Variants in MUC5AC observed in about 807,000 individuals in gnomAD.
The protein encoded by MUC5AC is mucin 5AC, oligomeric mucus/gel-forming, also known as mucin-5AC.
Under a neutral mutation model 169.7 loss-of-function variants are expected in MUC5AC, and 158 were observed. The ratio of observed to expected loss-of-function variants is 0.93; its 90% CI spans 0.82 to 1.06. The LOEUF (loss-of-function observed/expected upper bound fraction) is 1.06, where lower values mean the gene tolerates loss of function less well. Among genes scored for constraint, MUC5AC ranks in the 50% least tolerant of loss-of-function variants. The pLI is 0.00. For missense variants in MUC5AC, 4,359 were observed against 3,089.9 expected, an observed-to-expected ratio of 1.41 and a Z score of -9.74; for synonymous variants, 1,975 against 1,237.0, an observed-to-expected ratio of 1.60 and a Z score of -12.52.
intron 31 of MUC5AC, 30 bp from the exon 32 acceptor site, chr11:1,192,753 T>C (rs993234092): frequency 1.9e-5 from 14 of 741,446 alleles, no homozygotes; most frequent in Admixed American, 3.5e-5. Context: ...AGGACTCCAC[T>C]AAAGGCTGCC....
chr11:1,173,055 T>TC (rs1860586307), intron 16 of MUC5AC, among the ~76,000 whole-genome samples: 1 of 143,092 alleles, frequency 7.0e-6, no homozygotes, highest in African/African-American at 2.6e-5. Context: ...TTCACTAACT[T>TC]ACTCACTCAC....
chr11:1,168,132 A>T, intron 12 of MUC5AC, 145 bp downstream of exon 12: 1 of 751,820 alleles, frequency 1.3e-6, no homozygotes, highest in South Asian at 1.7e-5. Context: ...TCCATTACTT[A>T]TGGGTCCACG....
chr11:1,187,627 C>G lies in MUC5AC; in HGVS notation c.9482C>G (p.Thr3161Ser). Residue 3161 changes from threonine to serine, a missense_variant, in exon 31 of 49, where the codon ACC (threonine) becomes AGC (serine). Transcript: ENST00000621226. ...GPGTTPSPVP[T>S]TSTIFAPRTS... ...GGAACCACTCCCAGCCCTGTTCCCA[C>G]CACCAGCACAATCTTTGCTCCTAGA... The G allele has an allele frequency of 1.3e-6, 1 of 764,298 alleles. No homozygotes were observed. The highest frequency in any genetic ancestry group is 2.4e-5 in the East Asian group (1 of 41,218). 47.3% of individuals were successfully genotyped at this position (764,298 alleles called of 1,614,324 possible). A position where few individuals can be genotyped will look rare whatever the true frequency, so the allele number is the denominator to read the frequency against.
intron 32 of MUC5AC, 145 bp from the exon 33 acceptor site, chr11:1,193,340 G>T: frequency 1.6e-6 from 1 of 611,378 alleles, no homozygotes; most frequent in East Asian, 2.8e-5. Context: ...TGGGGTGGGT[G>T]CTGAGGGTGG....
At position 1,186,731 on chromosome 11, in the gene MUC5AC, T is replaced by C. The variant is rs1860956703; in HGVS notation, c.8586T>C (p.Ser2862=). ...CTGCCCCTACAACCAGAACAACCTCTGTCCCTACAAGCAGCACAACCTCCA... is the reference window on the plus strand; with the variant it reads ...CTGCCCCTACAACCAGAACAACCTCCGTCCCTACAAGCAGCACAACCTCCA... ...TTSAPTTRTT[S]VPTSSTTSTA... Residue 2862 remains serine (S), a synonymous_variant, in exon 31 of 49, where the codon TCT becomes TCC. Coordinates refer to ENST00000621226, the MANE Select transcript of MUC5AC (RefSeq NM_001304359.2). The C allele has an allele frequency of 1.4e-6, 1 of 728,044 alleles. No homozygotes were observed. Among genetic ancestry groups the C allele is most frequent in the Non-Finnish European group, 2.5e-6 (1 of 399,850 alleles). 45.1% of individuals were successfully genotyped at this position (728,044 alleles called of 1,614,324 possible).
chr11:1,184,582 T>A lies in MUC5AC; in HGVS notation c.6437T>A (p.Ile2146Asn). Residue 2146 changes from isoleucine to asparagine, a missense_variant, in exon 31 of 49, where the codon ATC (isoleucine) becomes AAC (asparagine). Coordinates refer to ENST00000621226, the MANE Select transcript of MUC5AC (RefSeq NM_001304359.2). ...HGGDKETYNN[I>N]IRSGEKICRR... Reference sequence around the variant, plus strand: ...GGAGACAAGGAAACCTACAACAACATCATCAGGAGTGGGGAAAAAATCTGC... The same window carrying A: ...GGAGACAAGGAAACCTACAACAACAACATCAGGAGTGGGGAAAAAATCTGC... 1 of 620,194 alleles carries A rather than the reference T, an allele frequency of 1.6e-6. No homozygotes were observed. Among genetic ancestry groups the A allele is most frequent in the Non-Finnish European group, 2.9e-6 (1 of 345,188 alleles). 38.4% of individuals were successfully genotyped at this position (620,194 alleles called of 1,614,324 possible). A position where few individuals can be genotyped will look rare whatever the true frequency, so the allele number is the denominator to read the frequency against.
In MUC5AC at chr11:1,161,574, C is replaced by T. The variant is rs201013876; in HGVS notation, c.199C>T (p.Pro67Ser). Residue 67 changes from proline (P) to serine (S), a missense_variant, in exon 3 of 49, where the codon CCT becomes TCT. Coordinates refer to ENST00000621226, the MANE Select transcript of MUC5AC (RefSeq NM_001304359.2). ...ATVFPSLRTI[P>S]VVRASNPAHN... Reference sequence around the variant, plus strand: ...TGTCTTCCCATCTCTGAGGACCATCCCTGTGGTACGAGGTGAGTGGAGCCC... The same window carrying T: ...TGTCTTCCCATCTCTGAGGACCATCTCTGTGGTACGAGGTGAGTGGAGCCC... The T allele has an allele frequency of 3.9e-4, 621 of 1,610,248 alleles. 1 individual carries two copies. In the African/African-American group the frequency reaches 7.2e-3, roughly 19 times the overall value.
intron 6 of MUC5AC, among the ~76,000 whole-genome samples, chr11:1,163,640 G>A (rs923002377): frequency 2.6e-5 from 4 of 152,098 alleles, no homozygotes; most frequent in South Asian, 2.1e-4. Flanking sequence ...CCTGTGGCCC[G>A]GACACCAACC....
intron 3 of MUC5AC, 76 bp downstream of exon 3, chr11:1,161,662 G>C: frequency 6.7e-7 from 1 of 1,488,552 alleles, no homozygotes; most frequent in South Asian, 1.3e-5. Flanking sequence ...TGGAGGTGCC[G>C]GGTGGAGAGG....
Position 1,186,818 on chromosome 11 carries a change from T to C in MUC5AC, c.8673T>C (p.Ser2891=), listed in dbSNP as rs1350264670. The change falls in exon 31 of 49, where the codon AGT becomes AGC. Residue 2891 remains serine (S), a synonymous_variant. Transcript: ENST00000621226. ...CTCCCAGCCCTGTTCCCACCACCAG[T>C]ACAACCTCTGCTCCTACAACCAGAA... ...GTTPSPVPTT[S]TTSAPTTRTT... is the part of the protein sequence containing the mutation. 314,687 of 683,534 alleles carry C rather than the reference T, an allele frequency of 0.46. 68,510 individuals are homozygous for C. The highest frequency in any genetic ancestry group is 0.69 in the African/African-American group (37,993 of 54,752). 42.3% of individuals were successfully genotyped at this position (683,534 alleles called of 1,614,324 possible).
Position 1,178,494 on chromosome 11 carries a change from CTT to C in MUC5AC, c.3140_3141del (p.Phe1047CysfsTer84). ...GNFDDIAVND[F>X]ATRSRSVVGD... ...ACTTCGACGACATCGCCGTTAATGA[CTT>C]TGCCACGCGGAGCCGGTCTGTGGTG... On this transcript the variant is annotated frameshift_variant, in exon 25 of 49. Coordinates refer to ENST00000621226, the MANE Select transcript of MUC5AC (RefSeq NM_001304359.2). LOFTEE classifies it high-confidence loss of function. The C allele has an allele frequency of 9.1e-7, 1 of 1,093,950 alleles. No individual in the cohort carries two copies. Among genetic ancestry groups the C allele is most frequent in the Non-Finnish European group, 1.2e-6 (1 of 821,864 alleles). The allele number at this position is 1,093,950 out of a possible 1,614,324, so 67.8% of individuals were successfully genotyped here.
Position 1,188,729 on chromosome 11 carries a change from A to C in MUC5AC, c.10584A>C (p.Lys3528Asn). 1.3e-6 allele frequency: 1 copy of C among 747,808 alleles called. No homozygotes were observed. The highest frequency in any genetic ancestry group is 1.7e-5 in the Admixed American group (1 of 57,696). 46.3% of individuals were successfully genotyped at this position (747,808 alleles called of 1,614,324 possible). Residue 3528 changes from lysine to asparagine, a missense_variant, in exon 31 of 49, where the codon AAA becomes AAC. Lys to Asn is a moderately conservative substitution (Grantham distance 94). Transcript: ENST00000621226. ...GTCATCCCCGGTGCACCTGGACCAA[A>C]TGGTTTGATGTGGACTTTCCATCCC... ...RDCHPRCTWT[K>N]WFDVDFPSPG...
rs1735386690 is a variant in MUC5AC, at chr11:1,190,285, G to A, written c.12140G>A (p.Arg4047His). ...AAGATGTGCCTCAACTACGAGGTGCGTGTGCTCTGCTGCGAGACCCCCAAA... is the reference window on the plus strand; with the variant it reads ...AAGATGTGCCTCAACTACGAGGTGCATGTGCTCTGCTGCGAGACCCCCAAA... ...PFKMCLNYEV[R>H]VLCCETPKGC... Residue 4047 changes from arginine (R) to histidine (H), a missense_variant, in exon 31 of 49, where the codon CGT (arginine) becomes CAT (histidine). Coordinates refer to ENST00000621226, the MANE Select transcript of MUC5AC (RefSeq NM_001304359.2). The A allele has an allele frequency of 1.7e-5, 12 of 709,088 alleles. No homozygotes were observed. The highest frequency in any genetic ancestry group is 5.3e-5 in the African/African-American group (3 of 57,050). The allele number at this position is 709,088 out of a possible 1,614,324, so 43.9% of individuals were successfully genotyped here.
In MUC5AC at chr11:1,173,449, TCACTCACTCATC is replaced by T. The variant is rs1207915549; in HGVS notation, c.1965+960_1965+971del. ...CTCATTCATTCATCCACTCATCCACTCACTCACTCATCCACTCACTCATCCACTCACTCATCC... is the reference window on the plus strand; with the variant it reads ...CTCATTCATTCATCCACTCATCCACTCACTCACTCATCCACTCACTCATCC... On this transcript the variant is annotated intron_variant, in intron 16 of 48. Coordinates refer to ENST00000621226, the MANE Select transcript of MUC5AC (RefSeq NM_001304359.2). 3.2e-3 allele frequency among the ~76,000 whole-genome samples: 491 copies of T among 151,426 alleles called. 1 individual carries two copies. Among genetic ancestry groups the T allele is most frequent in the African/African-American group, 8.9e-3 (368 of 41,190 alleles).
rs1860910224 is a variant in MUC5AC at position 1,185,270 on chromosome 11, CCG to C, written c.7126_7127del (p.Arg2376TyrfsTer17). 1.5e-6 allele frequency: 1 copy of C among 661,938 alleles called. No homozygotes were observed. Among genetic ancestry groups the C allele is most frequent in the Non-Finnish European group, 2.7e-6 (1 of 365,856 alleles). The allele number at this position is 661,938 out of a possible 1,614,324, so 41.0% of individuals were successfully genotyped here. A position where few individuals can be genotyped will look rare whatever the true frequency, so the allele number is the denominator to read the frequency against. ...SAPTTSTTSARTSSTTSATTT... is the reference protein window; with the variant it reads ...SAPTTSTTSAXTSSTTSATTT... ...CTCCTACAACCAGCACAACCTCTGC[CCG>C]TACAAGCAGCACAACCTCTGCCACT... On this transcript the variant is annotated frameshift_variant, in exon 31 of 49. Coordinates refer to ENST00000621226, the MANE Select transcript of MUC5AC (RefSeq NM_001304359.2). LOFTEE classifies it high-confidence loss of function.
At chr11:1,164,363 G>A (rs1284136053) in intron 8 of MUC5AC, 44 bp downstream of exon 8, 1 of 1,611,756 alleles carries the variant, frequency 6.2e-7, no homozygotes. Context: ...TTGGCAGGGA[G>A]GGCAGGGGCA....
At position 1,178,583 on chromosome 11, in the gene MUC5AC, C is replaced by A. The variant is rs1470594591; in HGVS notation, c.3227C>A (p.Ala1076Glu). The A allele has an allele frequency of 2.1e-6, 3 of 1,408,632 alleles. No individual in the cohort carries two copies. The highest frequency in any genetic ancestry group is 1.9e-6 in the Non-Finnish European group (2 of 1,066,626). The allele number at this position is 1,408,632 out of a possible 1,614,324, so 87.3% of individuals were successfully genotyped here. ...TCCCCCTCCTGCCCAGATGCCCTGG[C>A]GCCCAAGGACCCCTGCACGGCCAAC... ...KLSPSCPDALAPKDPCTANPF... is the reference protein window; with the variant it reads ...KLSPSCPDALEPKDPCTANPF... The change falls in exon 25 of 49, where the codon GCG (alanine) becomes GAG (glutamate). Residue 1076 changes from alanine to glutamate, a missense_variant. Ala to Glu is a moderately radical substitution (Grantham distance 107). Coordinates refer to ENST00000621226, the MANE Select transcript of MUC5AC (RefSeq NM_001304359.2).
Position 1,171,367 on chromosome 11 carries a change from CCACTCACCCATT to C in MUC5AC, c.1871-1046_1871-1035del, listed in dbSNP as rs1860524766. ...TTCACTCACTCACTCACCCACTCAC[CCACTCACCCATT>C]CACTCACCCATTCACCCATTCATCC... On this transcript the variant is annotated intron_variant, in intron 15 of 48. Coordinates refer to ENST00000621226, the MANE Select transcript of MUC5AC (RefSeq NM_001304359.2). Among the ~76,000 whole-genome samples the C allele has an allele frequency of 2.3e-5, 3 of 131,928 alleles. No homozygotes were observed. In the Admixed American group the frequency reaches 2.3e-4, roughly 10 times the overall value. 86.5% of individuals were successfully genotyped at this position (131,928 alleles called of 152,430 possible).
chr11:1,195,880 T>A lies in MUC5AC; in HGVS notation c.15463T>A (p.Phe5155Ile). The A allele has an allele frequency of 1.4e-6, 1 of 728,156 alleles. No individual in the cohort carries two copies. The highest frequency in any genetic ancestry group is 2.5e-6 in the Non-Finnish European group (1 of 396,798). 45.1% of individuals were successfully genotyped at this position (728,156 alleles called of 1,614,324 possible). ...CCCTGCCCATCCCTCCCACAGGGTC[T>A]TTGAGCCGTGCCACACTGTGATCCC... ...PICQLILSKV[F>I]EPCHTVIPPL... is the part of the protein sequence containing the mutation. Residue 5155 changes from phenylalanine to isoleucine, a missense_variant, in exon 37 of 49, where the codon TTT becomes ATT. Physicochemically the swap from Phe to Ile is conservative, Grantham distance 21 (BLOSUM62 0). Coordinates refer to ENST00000621226, the MANE Select transcript of MUC5AC (RefSeq NM_001304359.2).
Sources: allele counts gnomAD v4.1 joint callset (sites outside exome capture counted in the v4.1 genomes callset), GRCh38; gene constraint gnomAD v4.1.1; transcripts MANE v1.5; gene names NCBI Gene and HGNC (gene_info 2026-07-23, HGNC 2026-07-21).